SIPA1L3: variants seen among roughly 807,000 people sequenced by gnomAD.
SIPA1L3 encodes the protein signal induced proliferation associated 1 like 3.
Under a neutral mutation model 150.1 loss-of-function variants are expected in SIPA1L3, and 59 were observed. The ratio of observed to expected loss-of-function variants is 0.39; its 90% CI spans 0.32 to 0.49. The LOEUF (loss-of-function observed/expected upper bound fraction) is 0.49. Among genes scored for constraint, SIPA1L3 ranks in the 20% least tolerant of loss-of-function variants. The pLI is 0.86. For synonymous variants in SIPA1L3, 1,070 were observed against 1,077.6 expected, an observed-to-expected ratio of 0.99 and a Z score of 0.14; for missense variants, 2,211 against 2,489.5, an observed-to-expected ratio of 0.89 and a Z score of 2.38.
intron 7 of SIPA1L3, 140 bp downstream of exon 7, chr19:38,106,780 G>A: frequency 1.6e-6 from 1 of 636,960 alleles, no homozygotes; most frequent in South Asian, 1.9e-5. Flanking sequence ...CTTTCCCTGG[G>A]GGTTAGAGAG....
intron 10 of SIPA1L3, among the ~76,000 whole-genome samples, chr19:38,132,050 C>T (rs1339515215): frequency 3.3e-5 from 5 of 150,980 alleles, no homozygotes; most frequent in African/African-American, 4.9e-5. Flanking sequence ...GCCTGGCCAA[C>T]ACAGTGAGAC....
At chr19:38,084,548 T>TAAAAA (rs60242010) in intron 3 of SIPA1L3, among the ~76,000 whole-genome samples, 2 of 93,526 alleles carry the variant, frequency 2.1e-5, no homozygotes, top group East Asian at 3.0e-4. Flanking sequence ...GGGCTTTTCT[T>TAAAAA]AAAAAAAAAA....
intron 4 of SIPA1L3, among the ~76,000 whole-genome samples, chr19:38,099,055 A>G (rs968224944): frequency 1.3e-5 from 2 of 149,692 alleles, no homozygotes; most frequent in African/African-American, 4.9e-5. Flanking sequence ...TTCTTTTCTC[A>G]GACTGAGTGT....
chr19:38,187,087 G>A (rs1972699200), intron 16 of SIPA1L3, among the ~76,000 whole-genome samples: 1 of 151,926 alleles, frequency 6.6e-6, no homozygotes, highest in African/African-American at 2.4e-5. Context: ...GGCCGAGGCG[G>A]GGGAATTACT....
chr19:38,119,182 T>G, intron 8 of SIPA1L3, 124 bp from the exon 9 acceptor site: 1 of 925,424 alleles, frequency 1.1e-6, no homozygotes, highest in Non-Finnish European at 1.6e-6. Flanking sequence ...GGTGACAGAG[T>G]GAGACCTGTC....
At position 38,162,818 on chromosome 19, in the gene SIPA1L3, C is replaced by T. The variant is rs142776173; in HGVS notation, c.3780+447C>T. ...TTCCAAGCCCTCTGCTGGGTCCCTG[C>T]GTCTTTCCAGCAGTGGAGGTGAGTG... On this transcript the variant is annotated intron_variant, in intron 14 of 21. Transcript: ENST00000222345. Among the ~76,000 whole-genome samples, 174 of 152,292 alleles carry T rather than the reference C, an allele frequency of 1.1e-3. 3 individuals carry two copies. The East Asian group carries it at 0.018, about 16-fold the overall frequency.
At chr19:38,033,800 C>T (rs763209661) in intron 2 of SIPA1L3, among the ~76,000 whole-genome samples, 1 of 152,062 alleles carries the variant, frequency 6.6e-6, no homozygotes, top group African/African-American at 2.4e-5. Context: ...GCTCAGCCAC[C>T]CACTGTTTTT....
At chr19:38,192,888 C>T (rs935843401) in intron 17 of SIPA1L3, among the ~76,000 whole-genome samples, 2 of 152,162 alleles carry the variant, frequency 1.3e-5, no homozygotes, top group East Asian at 1.9e-4. Context: ...ATCAGCCCAG[C>T]GCTACCCACT....
chr19:37,940,100 G>A (rs780446405), intron 1 of SIPA1L3, among the ~76,000 whole-genome samples: 3 of 152,166 alleles, frequency 2.0e-5, no homozygotes, highest in East Asian at 1.9e-4. Flanking sequence ...TACTTAGTGC[G>A]TCAGAGATAA....
chr19:38,097,211 A>C (rs764186989), intron 4 of SIPA1L3, among the ~76,000 whole-genome samples: 3 of 152,148 alleles, frequency 2.0e-5, no homozygotes, highest in Non-Finnish European at 2.9e-5. Context: ...TTAGCCAGGC[A>C]TGGTGGCACA....
At chr19:38,092,184 C>T (rs769563001) in intron 4 of SIPA1L3, among the ~76,000 whole-genome samples, 44 of 151,788 alleles carry the variant, frequency 2.9e-4, no homozygotes, top group Non-Finnish European at 5.9e-4. Context: ...GAGTTCAAGA[C>T]CAGCCTAGGC....
chr19:38,193,355 G>A (rs1433024954), intron 17 of SIPA1L3, among the ~76,000 whole-genome samples, 182 bp from the exon 18 acceptor site: 1 of 138,116 alleles, frequency 7.2e-6, no homozygotes, highest in Non-Finnish European at 1.6e-5. Flanking sequence ...TCTCAAAAAA[G>A]GAAGGAAGGA....
chr19:38,081,535 G>T lies in SIPA1L3; in HGVS notation c.-31G>T, dbSNP rs763558382. ...CCCATAGAGTGACACCACAGCGTAC[G>T]GGGCCAGCAGCACTCCAGTGCCCGT... is the stretch of plus-strand genomic sequence containing the variant. On this transcript the variant is annotated 5_prime_UTR_variant, in exon 3 of 22. Coordinates refer to ENST00000222345, the MANE Select transcript of SIPA1L3 (RefSeq NM_015073.3). The T allele has an allele frequency of 1.3e-6, 2 of 1,543,134 alleles. No homozygotes were observed. Among genetic ancestry groups the T allele is most frequent in the Admixed American group, 3.8e-5 (2 of 53,164 alleles).
chr19:38,010,902 G>A (rs1968081552), intron 1 of SIPA1L3, among the ~76,000 whole-genome samples: 1 of 152,102 alleles, frequency 6.6e-6, no homozygotes, highest in Non-Finnish European at 1.5e-5. Flanking sequence ...CATCAAGATT[G>A]TGCTGAACCC....
In SIPA1L3 at chr19:38,182,136, C is replaced by CA. The variant is rs4006822; in HGVS notation, c.4209-370dup. 2.2e-3 allele frequency among the ~76,000 whole-genome samples: 285 copies of CA among 130,046 alleles called. 6 individuals carry two copies. The highest frequency in any genetic ancestry group is 6.8e-3 in the African/African-American group (208 of 30,410). The allele number at this position is 130,046 out of a possible 152,430, so 85.3% of individuals were successfully genotyped here. A position where few individuals can be genotyped will look rare whatever the true frequency, so the allele number is the denominator to read the frequency against. ...AGCCTGGGTGACTGAGACCCTGTCT[C>CA]AAAAAAAAAAAAAGAAAGGTTAGGA... On this transcript the variant is annotated intron_variant, in intron 15 of 21. Coordinates refer to ENST00000222345, the MANE Select transcript of SIPA1L3 (RefSeq NM_015073.3).
intron 1 of SIPA1L3, among the ~76,000 whole-genome samples, chr19:37,983,658 A>G (rs1967258023): frequency 6.6e-6 from 1 of 151,856 alleles, no homozygotes; most frequent in Non-Finnish European, 1.5e-5. Flanking sequence ...TAATCCCAGC[A>G]CTCTTGGGAG....
At chr19:37,931,798 A>G (rs1568468279) in intron 1 of SIPA1L3, among the ~76,000 whole-genome samples, 1 of 152,214 alleles carries the variant, frequency 6.6e-6, no homozygotes, top group Admixed American at 6.5e-5. Flanking sequence ...TAAAAACTGG[A>G]ACCTTGGAGC....
chr19:38,166,142 C>G (rs1972203164), intron 15 of SIPA1L3, among the ~76,000 whole-genome samples: 1 of 152,076 alleles, frequency 6.6e-6, no homozygotes, highest in African/African-American at 2.4e-5. Flanking sequence ...GGTAGAGAGG[C>G]AGACGGGAGT....
chr19:38,106,998 T>C (rs1371367777), intron 7 of SIPA1L3, among the ~76,000 whole-genome samples: 1 of 152,218 alleles, frequency 6.6e-6, no homozygotes, highest in Non-Finnish European at 1.5e-5. Flanking sequence ...AAAAGAGATT[T>C]ATGGGTTATA....
Sources: gnomAD v4.1 joint callset for allele counts (sites outside exome capture counted in the v4.1 genomes callset) on GRCh38, gnomAD v4.1.1 for gene constraint, MANE v1.5 for transcripts, NCBI Gene and HGNC (gene_info 2026-07-23, HGNC 2026-07-21) for gene names.